Variants in AEBP2 observed in about 807,000 individuals in gnomAD.
The protein encoded by AEBP2 is zinc finger protein AEBP2.
A neutral mutation model predicts 50.8 loss-of-function variants in AEBP2; 10 were observed. The observed-to-expected ratio is 0.20, with a 90% CI of 0.12 to 0.33. The LOEUF is 0.33. Ranked by LOEUF, AEBP2 falls within the 10% of genes least tolerant of loss-of-function variation. The probability of loss-of-function intolerance (pLI) is 1.00; values close to 1 mark genes in which losing one functional copy is unlikely to be tolerated. For missense variants in AEBP2, 570 were observed against 688.0 expected, an observed-to-expected ratio of 0.83 and a Z score of 1.92; for synonymous variants, 296 against 261.3, an observed-to-expected ratio of 1.13 and a Z score of -1.28.
intron 1 of AEBP2, chr12:19,413,230 G>C: frequency 1.2e-6 from 1 of 837,638 alleles, no homozygotes; most frequent in Admixed American, 1.7e-5. Flanking sequence ...CCCAAGTTTT[G>C]GATCAGTCGG....
chr12:19,452,793 G>A (rs1447000011), intron 1 of AEBP2, among the ~76,000 whole-genome samples: 2 of 152,048 alleles, frequency 1.3e-5, no homozygotes, highest in Non-Finnish European at 2.9e-5. Context: ...GAGACATAGT[G>A]TAATCTTTCT....
upstream of AEBP2, among the ~76,000 whole-genome samples, chr12:19,435,412 ATTTTTTG>A (rs2095753715): frequency 6.7e-6 from 1 of 148,528 alleles, no homozygotes; most frequent in East Asian, 2.0e-4. Context: ...TAATTTTTTT[ATTTTTTG>A]TAGAGATAGG....
At chr12:19,434,283 C>T (rs1398477834) in intron 1 of AEBP2, among the ~76,000 whole-genome samples, 1 of 151,256 alleles carries the variant, frequency 6.6e-6, no homozygotes, top group African/African-American at 2.4e-5. Context: ...AAGCGATTCT[C>T]CTGCCTCAGC....
In AEBP2 at chr12:19,503,759, A is replaced by G. The variant is rs141784620; in HGVS notation, c.1299+3538A>G. The stretch of plus-strand genomic sequence containing the variant: ...GGCTGGTTTTGAACTCTTTGCCTCA[A>G]GCAGTCCTCCTGTCCTAGCTTCCCA... On this transcript the variant is annotated intron_variant, in intron 5 of 7. Coordinates refer to ENST00000266508, the MANE Select transcript of AEBP2 (RefSeq NM_153207.5). Among the ~76,000 whole-genome samples, 1,158 of 151,400 alleles carry G rather than the reference A, an allele frequency of 7.6e-3. 6 individuals are homozygous for G. The highest frequency in any genetic ancestry group is 0.013 in the Non-Finnish European group (874 of 67,856).
intron 1 of AEBP2, among the ~76,000 whole-genome samples, chr12:19,454,779 G>T (rs1486887084): frequency 6.6e-6 from 1 of 152,046 alleles, no homozygotes; most frequent in Non-Finnish European, 1.5e-5. Flanking sequence ...GGTGGGTGGA[G>T]GGGGGAGAAC....
At position 19,497,148 on chromosome 12, in the gene AEBP2, C is replaced by G. The variant is rs539013955; in HGVS notation, c.1175-2949C>G. On this transcript the variant is annotated intron_variant, in intron 4 of 7. Coordinates refer to ENST00000266508, the MANE Select transcript of AEBP2 (RefSeq NM_153207.5). ...CAATATGGTACATTTGTTTTATCTTCCTACCTATATACTTTTTTGGTCATG... is the reference window on the plus strand; with the variant it reads ...CAATATGGTACATTTGTTTTATCTTGCTACCTATATACTTTTTTGGTCATG... Among the ~76,000 whole-genome samples the G allele has an allele frequency of 2.0e-5, 3 of 151,606 alleles. No homozygotes were observed. In the East Asian group the frequency reaches 5.8e-4, roughly 29 times the overall value.
In AEBP2 at chr12:19,514,756, G is replaced by C; in HGVS notation, c.1453G>C (p.Ala485Pro). The C allele has an allele frequency of 6.2e-7, 1 of 1,611,190 alleles. No individual in the cohort carries two copies. Among genetic ancestry groups the C allele is most frequent in the Non-Finnish European group, 8.5e-7 (1 of 1,178,758 alleles). ...VHLSKLPKDT[A>P]LLLDPNIYRT... ...TTTATCAAAGCTACCCAAAGATACT[G>C]CCTTGCTTTTGGACCCAAACATATA... Residue 485 changes from alanine to proline, a missense_variant, in exon 7 of 8, where the codon GCC becomes CCC. Transcript: ENST00000266508.
chr12:19,439,549 G>T lies in AEBP2; in HGVS notation c.-151G>T. The T allele has an allele frequency of 9.8e-7, 1 of 1,024,690 alleles. No homozygotes were observed. 63.5% of individuals were successfully genotyped at this position (1,024,690 alleles called of 1,614,324 possible). ...TGTCCCCGCGCGGGCTCCGTAGCGC[G>T]TGTGCAGGCTGACGCAGCTCGCGGG... On this transcript the variant is annotated 5_prime_UTR_variant, in exon 1 of 8. Coordinates refer to ENST00000266508, the MANE Select transcript of AEBP2 (RefSeq NM_153207.5).
At chr12:19,406,681 CAA>C (rs777458801) in intron 1 of AEBP2, among the ~76,000 whole-genome samples, 4 of 134,612 alleles carry the variant, frequency 3.0e-5, no homozygotes, top group African/African-American at 5.5e-5. Flanking sequence ...AACTCTGTCT[CAA>C]AAAAAAAAAA....
In AEBP2 at chr12:19,439,682, GGA is replaced by G. The variant is rs1947906231; in HGVS notation, c.-16_-15del. ...GCGGCGGTGGGGAGGAGGAGGAGGA[GGA>G]GGAGCAGGCGCCGCCATGGCCGCCG... On this transcript the variant is annotated 5_prime_UTR_variant, in exon 1 of 8. Coordinates refer to ENST00000266508, the MANE Select transcript of AEBP2 (RefSeq NM_153207.5). 1 of 1,516,640 alleles carries G rather than the reference GGA, an allele frequency of 6.6e-7. No individual in the cohort carries two copies. The highest frequency in any genetic ancestry group is 8.8e-7 in the Non-Finnish European group (1 of 1,138,892). 93.9% of individuals were successfully genotyped at this position (1,516,640 alleles called of 1,614,324 possible).
chr12:19,473,196 C>A, intron 2 of AEBP2, 52 bp from the exon 3 acceptor site: 1 of 865,090 alleles, frequency 1.2e-6, no homozygotes, highest in East Asian at 3.6e-5. Flanking sequence ...AGGAATCAAA[C>A]TCTTCTTGAG....
intron 3 of AEBP2, among the ~76,000 whole-genome samples, chr12:19,477,381 GT>G (rs1330759170): frequency 4.6e-5 from 7 of 152,294 alleles, no homozygotes; most frequent in Admixed American, 3.3e-4. Flanking sequence ...TCTTCTTCCA[GT>G]TGTCACGGGG....
intron 2 of AEBP2, among the ~76,000 whole-genome samples, chr12:19,471,750 C>T (rs1452831016): frequency 6.6e-6 from 1 of 152,000 alleles, no homozygotes; most frequent in Non-Finnish European, 1.5e-5. Context: ...AGGCTGGTCT[C>T]GAACTCCTGA....
intron 2 of AEBP2, 116 bp downstream of exon 2, chr12:19,462,833 G>A: frequency 1.1e-6 from 1 of 882,828 alleles, no homozygotes; most frequent in Non-Finnish European, 1.7e-6. Context: ...CACAGGCTTA[G>A]TTTTTTCAAG....
chr12:19,430,634 G>A (rs1459740158), intron 1 of AEBP2, among the ~76,000 whole-genome samples: 1 of 152,024 alleles, frequency 6.6e-6, no homozygotes, highest in Non-Finnish European at 1.5e-5. Flanking sequence ...CCATTTGTTT[G>A]TATCCTCTTT....
intron 5 of AEBP2, among the ~76,000 whole-genome samples, chr12:19,510,977 G>T (rs544203552): frequency 2.2e-4 from 32 of 147,492 alleles, no homozygotes; most frequent in Middle Eastern, 7.0e-3. Context: ...AAGTAGCTGG[G>T]ACTACAGGCA....
intron 1 of AEBP2, among the ~76,000 whole-genome samples, chr12:19,414,038 C>T (rs528908851): frequency 5.9e-5 from 9 of 151,982 alleles, no homozygotes; most frequent in Admixed American, 2.0e-4. Context: ...AGATTACAGG[C>T]GCCTGCCATC....
rs183404289 is a variant in AEBP2 at position 19,483,905 on chromosome 12, A to G, written c.988-9895A>G. Among the ~76,000 whole-genome samples the G allele has an allele frequency of 2.0e-5, 3 of 150,984 alleles. No individual in the cohort carries two copies. In the East Asian group the frequency reaches 5.9e-4, roughly 30 times the overall value. ...GGGTGGATCAAAGGTTAATGTAAAC[A>G]TTGCTAATTTTGATAACTTGCCAAA... On this transcript the variant is annotated intron_variant, in intron 3 of 7. Coordinates refer to ENST00000266508, the MANE Select transcript of AEBP2 (RefSeq NM_153207.5).
At chr12:19,444,857 C>T (rs1321986074) in intron 1 of AEBP2, among the ~76,000 whole-genome samples, 1 of 152,120 alleles carries the variant, frequency 6.6e-6, no homozygotes, top group Non-Finnish European at 1.5e-5. Context: ...TAATTACTAG[C>T]ATTAAATTGA....
Sources: gnomAD v4.1 joint callset for allele counts (sites outside exome capture counted in the v4.1 genomes callset) on GRCh38, gnomAD v4.1.1 for gene constraint, MANE v1.5 for transcripts, NCBI Gene and HGNC (gene_info 2026-07-23, HGNC 2026-07-21) for gene names.